The following USP3 variants were observed in gnomAD, a reference collection of about 807,000 sequenced individuals.
USP3 encodes the protein ubiquitin specific peptidase 3.
USP3 carries 20 observed loss-of-function variants against 72.3 expected under a neutral mutation model. The ratio of observed to expected loss-of-function variants is 0.28; its 90% CI spans 0.19 to 0.40. The LOEUF is 0.40. Ranked by LOEUF, USP3 falls within the 10% of genes least tolerant of loss-of-function variation. The pLI is 1.00. For synonymous variants in USP3, 222 were observed against 225.3 expected, an observed-to-expected ratio of 0.99 and a Z score of 0.13; for missense variants, 479 against 633.9, an observed-to-expected ratio of 0.76 and a Z score of 2.62.
intron 1 of USP3, among the ~76,000 whole-genome samples, chr15:63,516,113 A>AT (rs1482107820): frequency 1.3e-5 from 2 of 152,070 alleles, no homozygotes; most frequent in African/African-American, 2.4e-5. Flanking sequence ...CCAACATTTT[A>AT]TTTTTTCTTG....
chr15:63,578,770 A>G (rs1473925169), intron 11 of USP3, among the ~76,000 whole-genome samples: 1 of 152,208 alleles, frequency 6.6e-6, no homozygotes, highest in East Asian at 1.9e-4. Context: ...TATTGCTCAG[A>G]TGTCTTCTGG....
chr15:63,538,627 G>C (rs1595726396), intron 3 of USP3, among the ~76,000 whole-genome samples: 3 of 150,454 alleles, frequency 2.0e-5, no homozygotes, highest in Non-Finnish European at 4.4e-5. Flanking sequence ...CTCACTGCAA[G>C]CTCTGCCTCC....
At position 63,592,979 on chromosome 15, in the gene USP3, C is replaced by G. The variant is rs930545072; in HGVS notation, c.*2153C>G. 4 of 152,266 alleles carry G rather than the reference C, an allele frequency of 2.6e-5. No individual in the cohort carries two copies. The highest frequency in any genetic ancestry group is 9.6e-5 in the African/African-American group (4 of 41,540). The allele number at this position is 152,266 out of a possible 1,614,324, so 9.4% of individuals were successfully genotyped here. ...TATCATCCAGTACAATGGCCCCTAGCCACATGTGACTGAAATTTAAATTAG... is the reference window on the plus strand; with the variant it reads ...TATCATCCAGTACAATGGCCCCTAGGCACATGTGACTGAAATTTAAATTAG... On this transcript the variant is annotated 3_prime_UTR_variant, in exon 15 of 15. Coordinates refer to ENST00000380324, the MANE Select transcript of USP3 (RefSeq NM_006537.4).
At chr15:63,534,610 G>A (rs1386057351) in intron 2 of USP3, among the ~76,000 whole-genome samples, 1 of 152,084 alleles carries the variant, frequency 6.6e-6, no homozygotes. Flanking sequence ...ATATATTTAG[G>A]TATCAGGCAA....
chr15:63,590,037 T>TTGCC (rs2067160877), intron 14 of USP3, among the ~76,000 whole-genome samples: 1 of 152,356 alleles, frequency 6.6e-6, no homozygotes, highest in Admixed American at 6.5e-5. Context: ...TCAGGGTTGA[T>TTGCC]TGCCTTGCTT....
chr15:63,537,071 C>A lies in USP3; in HGVS notation c.199C>A (p.Pro67Thr). ...AKKHYEDAQVPLTNHKKSEKQ... is the reference protein window; with the variant it reads ...AKKHYEDAQVTLTNHKKSEKQ... ...AAAACATTATGAAGATGCACAAGTA[C>A]CTTTAACCAACCATAAGAAATCAGA... is the stretch of plus-strand genomic sequence containing the variant. The change falls in exon 3 of 15, where the codon CCT (proline) becomes ACT (threonine). Residue 67 changes from proline to threonine, a missense_variant. By Grantham distance (38) the Pro-to-Thr change is conservative (BLOSUM62 -1). Transcript: ENST00000380324. 3 of 1,613,964 alleles carry A rather than the reference C, an allele frequency of 1.9e-6. 1 individual carries two copies. The South Asian group carries it at 3.3e-5, about 18-fold the overall frequency.
chr15:63,514,041 T>C (rs1311709949), intron 1 of USP3, among the ~76,000 whole-genome samples: 2 of 152,242 alleles, frequency 1.3e-5, no homozygotes, highest in African/African-American at 4.8e-5. Flanking sequence ...TGAGATGCTT[T>C]AGCATTGGAG....
At chr15:63,524,842 A>G (rs1391509881) in intron 1 of USP3, among the ~76,000 whole-genome samples, 1 of 152,212 alleles carries the variant, frequency 6.6e-6, no homozygotes, top group African/African-American at 2.4e-5. Context: ...AGGTTGACAT[A>G]GAATCACTTC....
chr15:63,541,379 T>G (rs2066242745), intron 3 of USP3, among the ~76,000 whole-genome samples: 1 of 152,170 alleles, frequency 6.6e-6, no homozygotes, highest in African/African-American at 2.4e-5. Context: ...GATTAAAAAT[T>G]TTAAAAAAGG....
intron 11 of USP3, chr15:63,587,844 G>T (rs2067105297): frequency 6.6e-6 from 1 of 152,390 alleles, no homozygotes; most frequent in African/African-American, 2.4e-5. Flanking sequence ...TCTAGGAACT[G>T]AGAGTACAGC....
At position 63,556,688 on chromosome 15, in the gene USP3, G is replaced by A. The variant is rs914761404; in HGVS notation, c.390G>A (p.Arg130=). 9 of 1,608,148 alleles carry A rather than the reference G, an allele frequency of 5.6e-6. No individual in the cohort carries two copies. Among genetic ancestry groups the A allele is most frequent in the Non-Finnish European group, 7.6e-6 (9 of 1,177,430 alleles). Residue 130 remains arginine, a synonymous_variant, in exon 5 of 15, where the codon AGG becomes AGA. Transcript: ENST00000380324. Reference sequence around the variant, plus strand: ...ATAGCTCAGCTTTCACAGCTGACAGGCATAAGAAAAGAAAACTTTTGGAAA... The same window carrying A: ...ATAGCTCAGCTTTCACAGCTGACAGACATAAGAAAAGAAAACTTTTGGAAA... ...NLENSAFTAD[R]HKKRKLLENS... is the part of the protein sequence containing the mutation.
At chr15:63,582,334 G>GTA (rs2066978266) in intron 11 of USP3, among the ~76,000 whole-genome samples, 1 of 152,140 alleles carries the variant, frequency 6.6e-6, no homozygotes, top group African/African-American at 2.4e-5. Context: ...CACTTTCTTA[G>GTA]GGGAACTCCC....
chr15:63,538,547 T>A (rs975734564), intron 3 of USP3, among the ~76,000 whole-genome samples: 1 of 149,436 alleles, frequency 6.7e-6, no homozygotes, highest in Non-Finnish European at 1.5e-5. Context: ...CCAGGTCTTT[T>A]ACTTTTTTTT....
intron 3 of USP3, among the ~76,000 whole-genome samples, chr15:63,550,983 G>T (rs78075625): frequency 1.3e-5 from 2 of 151,920 alleles, no homozygotes; most frequent in Non-Finnish European, 2.9e-5. Flanking sequence ...AGAATACCCT[G>T]GCTGTATTTT....
At chr15:63,550,269 C>T (rs1295120455) in intron 3 of USP3, among the ~76,000 whole-genome samples, 3 of 152,196 alleles carry the variant, frequency 2.0e-5, no homozygotes, top group Non-Finnish European at 4.4e-5. Context: ...CCACCCAGCT[C>T]GGCCTCCCAA....
chr15:63,546,355 G>A (rs1278693415), intron 3 of USP3, among the ~76,000 whole-genome samples: 2 of 152,138 alleles, frequency 1.3e-5, no homozygotes, highest in African/African-American at 2.4e-5. Flanking sequence ...TTCAAAGCAG[G>A]ATATGCATTC....
intron 9 of USP3, among the ~76,000 whole-genome samples, chr15:63,572,895 A>G (rs1430315134): frequency 2.0e-5 from 3 of 152,198 alleles, no homozygotes; most frequent in Admixed American, 2.0e-4. Context: ...CCTTGGACTA[A>G]CTTAACCTCA....
At chr15:63,520,459 A>G (rs550562484) in intron 1 of USP3, among the ~76,000 whole-genome samples, 1 of 151,828 alleles carries the variant, frequency 6.6e-6, no homozygotes, top group East Asian at 1.9e-4. Context: ...AAAAAGTACT[A>G]TGTTAAAAAG....
intron 9 of USP3, among the ~76,000 whole-genome samples, chr15:63,573,785 G>GC (rs1479292124): frequency 3.3e-5 from 5 of 152,324 alleles, no homozygotes; most frequent in African/African-American, 1.2e-4. Flanking sequence ...ATAGCAAATG[G>GC]CCAGTGTTAG....
Sources: allele counts gnomAD v4.1 joint callset (sites outside exome capture counted in the v4.1 genomes callset), GRCh38; gene constraint gnomAD v4.1.1; transcripts MANE v1.5; gene names NCBI Gene and HGNC (gene_info 2026-07-23, HGNC 2026-07-21).